Variants in KHDRBS2 observed in about 807,000 individuals in gnomAD.
KHDRBS2 encodes KH domain-containing, RNA-binding, signal transduction-associated protein 2.
Under a neutral mutation model 44.3 loss-of-function variants are expected in KHDRBS2, and 26 were observed. That is an observed-to-expected ratio of 0.59 (90% confidence interval 0.43 to 0.81). The LOEUF (loss-of-function observed/expected upper bound fraction) is 0.81, where lower values mean the gene tolerates loss of function less well. Ranked by LOEUF, KHDRBS2 falls within the 40% of genes least tolerant of loss-of-function variation. The pLI is 0.00. For synonymous variants in KHDRBS2, 194 were observed against 151.1 expected, an observed-to-expected ratio of 1.28 and a Z score of -2.08; for missense variants, 476 against 433.1, an observed-to-expected ratio of 1.10 and a Z score of -0.88.
the KHDRBS2 span, among the ~76,000 whole-genome samples, chr6:61,558,360 G>A: frequency 6.6e-6 from 1 of 152,018 alleles, no homozygotes; most frequent in East Asian, 1.9e-4. Context: ...CCAGGAGCTT[G>A]ATACCAGCCT....
In KHDRBS2 at chr6:61,977,251, C is replaced by T. The variant is rs142706354; in HGVS notation, c.483+815G>A. Among the ~76,000 whole-genome samples the T allele has an allele frequency of 3.4e-3, 518 of 152,230 alleles. 5 individuals are homozygous for T. The highest frequency in any genetic ancestry group is 0.011 in the African/African-American group (472 of 41,542). ...TTTCTCTGTTGAAGACTCTGCCAGA[C>T]GCTCCAGAAAACTGTACTCAGCATT... is the stretch of plus-strand genomic sequence containing the variant. On this transcript the variant is annotated intron_variant, in intron 4 of 8. Transcript: ENST00000281156.
At chr6:61,673,804 G>T in the KHDRBS2 span, among the ~76,000 whole-genome samples, 1 of 143,182 alleles carries the variant, frequency 7.0e-6, no homozygotes, top group East Asian at 2.0e-4. Flanking sequence ...AACATTCCAT[G>T]CTCATGGGTA....
At chr6:62,136,988 CTTTTCTT>C (rs1811669463) in intron 2 of KHDRBS2, among the ~76,000 whole-genome samples, 1 of 125,382 alleles carries the variant, frequency 8.0e-6, no homozygotes, top group African/African-American at 3.0e-5. Flanking sequence ...AGCTTTCTTT[CTTTTCTT>C]TTTTTTTTTT....
the KHDRBS2 span, among the ~76,000 whole-genome samples, chr6:61,605,403 C>T: frequency 1.3e-5 from 2 of 152,178 alleles, no homozygotes; most frequent in African/African-American, 2.4e-5. Context: ...CCCCAAACCG[C>T]CACTCTTAAC....
chr6:61,967,932 G>GTATATATA lies in KHDRBS2; in HGVS notation c.483+10126_483+10133dup, dbSNP rs369326330. On this transcript the variant is annotated intron_variant, in intron 4 of 8. Coordinates refer to ENST00000281156, the MANE Select transcript of KHDRBS2 (RefSeq NM_152688.4). ...TATATATACACATGCATACACACACGTATATATATATATATATATATATAT... is the reference window on the plus strand; with the variant it reads ...TATATATACACATGCATACACACACGTATATATATATATATATATATATATATATATAT... Among the ~76,000 whole-genome samples the GTATATATA allele has an allele frequency of 1.8e-3, 205 of 116,984 alleles. 1 individual carries two copies. Among genetic ancestry groups the GTATATATA allele is most frequent in the African/African-American group, 6.0e-3 (175 of 29,254 alleles). The allele number at this position is 116,984 out of a possible 152,430, so 76.7% of individuals were successfully genotyped here. A position where few individuals can be genotyped will look rare whatever the true frequency, so the allele number is the denominator to read the frequency against.
intron 1 of KHDRBS2, among the ~76,000 whole-genome samples, chr6:62,239,662 G>A (rs1340452946): frequency 1.3e-5 from 2 of 152,060 alleles, no homozygotes; most frequent in Admixed American, 1.3e-4. Context: ...GATGACAGGT[G>A]TATATTTCTT....
chr6:61,871,510 C>T (rs1468273409), intron 6 of KHDRBS2, among the ~76,000 whole-genome samples: 1 of 152,074 alleles, frequency 6.6e-6, no homozygotes, highest in East Asian at 1.9e-4. Flanking sequence ...ACAGACAACA[C>T]CACAAAGATA....
At chr6:61,830,525 T>C (rs1295856746) in intron 6 of KHDRBS2, among the ~76,000 whole-genome samples, 1 of 152,224 alleles carries the variant, frequency 6.6e-6, no homozygotes, top group East Asian at 1.9e-4. Context: ...ATTCCACTGA[T>C]TATTGAATTC....
At chr6:61,645,113 C>T in the KHDRBS2 span, among the ~76,000 whole-genome samples, 1 of 152,102 alleles carries the variant, frequency 6.6e-6, no homozygotes, top group Non-Finnish European at 1.5e-5. Flanking sequence ...GGAACATATA[C>T]ATCATGGAAT....
At chr6:62,004,333 C>T (rs1778823668) in intron 3 of KHDRBS2, among the ~76,000 whole-genome samples, 1 of 152,076 alleles carries the variant, frequency 6.6e-6, no homozygotes, top group South Asian at 2.1e-4. Context: ...CACCACCCAT[C>T]CCACAGAAAT....
the KHDRBS2 span, among the ~76,000 whole-genome samples, chr6:61,666,327 T>C: frequency 6.6e-6 from 1 of 151,440 alleles, no homozygotes; most frequent in Admixed American, 6.6e-5. Flanking sequence ...GCATGTAAAA[T>C]ATTATTATAG....
intron 2 of KHDRBS2, among the ~76,000 whole-genome samples, chr6:62,157,569 T>C (rs1816734116): frequency 1.3e-5 from 2 of 152,316 alleles, no homozygotes; most frequent in South Asian, 4.1e-4. Context: ...AAATGTAGTA[T>C]TGAAGTACGT....
intron 8 of KHDRBS2, among the ~76,000 whole-genome samples, chr6:61,687,591 G>A (rs1255934037): frequency 1.3e-5 from 2 of 151,520 alleles, no homozygotes; most frequent in South Asian, 2.1e-4. Flanking sequence ...CCTTTTTCTT[G>A]TTGAAAGATT....
intron 2 of KHDRBS2, among the ~76,000 whole-genome samples, chr6:62,095,233 T>C (rs1478423698): frequency 1.3e-5 from 2 of 151,756 alleles, no homozygotes; most frequent in African/African-American, 4.8e-5. Context: ...TAGGAAGAAA[T>C]TTAACCAAGA....
Position 62,128,584 on chromosome 6 carries a change from C to T in KHDRBS2, c.219+48601G>A, listed in dbSNP as rs192117161. On this transcript the variant is annotated intron_variant, in intron 2 of 8. Transcript: ENST00000281156. The stretch of plus-strand genomic sequence containing the variant: ...TCTCTCTCTCTCTTCCTTGAATATT[C>T]TCTTTTTATGGCGAATGTAGAAGTA... Among the ~76,000 whole-genome samples, 979 of 151,800 alleles carry T rather than the reference C, an allele frequency of 6.4e-3. 5 individuals are homozygous for T. The highest frequency in any genetic ancestry group is 0.01 in the Non-Finnish European group (685 of 67,844).
chr6:62,264,646 C>G (rs1370436950), intron 1 of KHDRBS2, among the ~76,000 whole-genome samples: 1 of 151,668 alleles, frequency 6.6e-6, no homozygotes, highest in African/African-American at 2.4e-5. Context: ...TTGTGACATG[C>G]AATAATTGAC....
chr6:61,846,748 T>G (rs1242097082), intron 6 of KHDRBS2, among the ~76,000 whole-genome samples: 2 of 151,446 alleles, frequency 1.3e-5, no homozygotes, highest in African/African-American at 4.9e-5. Flanking sequence ...ACTGTGGAAT[T>G]TGGTAGTTCT....
chr6:61,818,746 G>C (rs1220960690), intron 6 of KHDRBS2, among the ~76,000 whole-genome samples: 1 of 151,890 alleles, frequency 6.6e-6, no homozygotes, highest in African/African-American at 2.4e-5. Context: ...CCCAGAATCT[G>C]CTAAGTCCTG....
At chr6:62,099,933 TATTA>T (rs1401653395) in intron 2 of KHDRBS2, among the ~76,000 whole-genome samples, 5 of 152,254 alleles carry the variant, frequency 3.3e-5, no homozygotes, top group South Asian at 2.1e-4. Context: ...TTTCAAGTCC[TATTA>T]ATTAAGAGAT....
Sources: gnomAD v4.1 joint callset for allele counts (sites outside exome capture counted in the v4.1 genomes callset) on GRCh38, gnomAD v4.1.1 for gene constraint, MANE v1.5 for transcripts, NCBI Gene and HGNC (gene_info 2026-07-23, HGNC 2026-07-21) for gene names.